The following TNKS variants were observed in gnomAD, a reference collection of about 807,000 sequenced individuals.
TNKS encodes the protein tankyrase.
A neutral mutation model predicts 135.8 loss-of-function variants in TNKS; 72 were observed. The ratio of observed to expected loss-of-function variants is 0.53; its 90% CI spans 0.44 to 0.64. TNKS has a LOEUF of 0.64. TNKS is among the 30% of genes least tolerant of loss of function. The probability of loss-of-function intolerance (pLI) is 0.00; values close to 1 mark genes in which losing one functional copy is unlikely to be tolerated. For synonymous variants in TNKS, 849 were observed against 649.3 expected, an observed-to-expected ratio of 1.31 and a Z score of -4.68; for missense variants, 1,769 against 1,674.0, an observed-to-expected ratio of 1.06 and a Z score of -0.99.
At chr8:9,747,528 A>G (rs1407983440) in intron 17 of TNKS, among the ~76,000 whole-genome samples, 1 of 152,344 alleles carries the variant, frequency 6.6e-6, no homozygotes, top group Admixed American at 6.5e-5. Flanking sequence ...TTCAAAGGCT[A>G]AAGAGAAAAC....
At chr8:9,622,122 A>T (rs1246247718) in intron 3 of TNKS, among the ~76,000 whole-genome samples, 1 of 152,210 alleles carries the variant, frequency 6.6e-6, no homozygotes, top group African/African-American at 2.4e-5. Context: ...GAAATTTTTA[A>T]AATATGAAGA....
intron 2 of TNKS, among the ~76,000 whole-genome samples, chr8:9,585,753 C>T (rs980441780): frequency 6.6e-6 from 1 of 152,260 alleles, no homozygotes; most frequent in South Asian, 2.1e-4. Context: ...TACTTTCAAA[C>T]AATTCTTGGT....
chr8:9,679,947 C>G lies in TNKS; in HGVS notation c.995-4C>G. 6.2e-7 allele frequency: 1 copy of G among 1,612,166 alleles called. No homozygotes were observed. Among genetic ancestry groups the G allele is most frequent in the Non-Finnish European group, 8.5e-7 (1 of 1,178,338 alleles). ...TAACAGCATGATATTTTGCAATCAT[C>G]TAGGTGAATACAAGAAAGACGAACT... On this transcript the variant is annotated splice_region_variant and splice_polypyrimidine_tract_variant and intron_variant, in intron 3 of 26. Coordinates refer to ENST00000310430, the MANE Select transcript of TNKS (RefSeq NM_003747.3).
chr8:9,664,642 A>C (rs1468410434), intron 3 of TNKS, among the ~76,000 whole-genome samples: 1 of 152,274 alleles, frequency 6.6e-6, no homozygotes, highest in Non-Finnish European at 1.5e-5. Context: ...AATCACTCAC[A>C]GTACATATAC....
At chr8:9,736,537 T>C (rs953078186) in intron 17 of TNKS, among the ~76,000 whole-genome samples, 11 of 148,654 alleles carry the variant, frequency 7.4e-5, no homozygotes, top group African/African-American at 2.2e-4. Context: ...GGTTTTAGGT[T>C]TAACGTTTAA....
intron 3 of TNKS, among the ~76,000 whole-genome samples, chr8:9,654,108 A>G (rs918678454): frequency 1.3e-5 from 2 of 152,234 alleles, no homozygotes; most frequent in Non-Finnish European, 2.9e-5. Flanking sequence ...CTATACCTGC[A>G]TTAGTCACTG....
Position 9,694,652 on chromosome 8 carries a change from C to G in TNKS, c.1108-10011C>G, listed in dbSNP as rs367654681. 2.0e-4 allele frequency among the ~76,000 whole-genome samples: 31 copies of G among 151,622 alleles called. No individual in the cohort carries two copies. In the East Asian group the frequency reaches 4.9e-3, roughly 24 times the overall value. On this transcript the variant is annotated intron_variant, in intron 5 of 26. Transcript: ENST00000310430. ...TGGTGGGCGCCTGTAGTCCCAGCTG[C>G]TTGGGAGGCTGAGGCAGGAGAATTG...
At chr8:9,712,469 G>T (rs544688542) in intron 11 of TNKS, among the ~76,000 whole-genome samples, 13 of 152,138 alleles carry the variant, frequency 8.5e-5, no homozygotes, top group African/African-American at 3.1e-4. Flanking sequence ...AACAGAGCAA[G>T]ACTCTGTCTC....
chr8:9,752,429 C>T, intron 19 of TNKS, 115 bp from the exon 20 acceptor site: 2 of 687,286 alleles, frequency 2.9e-6, no homozygotes, highest in South Asian at 1.8e-5. Context: ...TTATTTTATG[C>T]CATGGAAAAT....
In TNKS at chr8:9,620,779, C is replaced by G. The variant is rs185780569; in HGVS notation, c.994+5102C>G. ...AACGTCTGCTCCTCAAAGACGGCTT[C>G]TTGTCCCTGGTGCCATCAGCCTATT... On this transcript the variant is annotated intron_variant, in intron 3 of 26. Coordinates refer to ENST00000310430, the MANE Select transcript of TNKS (RefSeq NM_003747.3). Among the ~76,000 whole-genome samples the G allele has an allele frequency of 3.3e-3, 503 of 152,350 alleles. 1 individual carries two copies. The highest frequency in any genetic ancestry group is 6.1e-3 in the Non-Finnish European group (414 of 68,032).
intron 3 of TNKS, among the ~76,000 whole-genome samples, chr8:9,624,365 A>G (rs995226251): frequency 6.6e-6 from 1 of 152,256 alleles, no homozygotes; most frequent in African/African-American, 2.4e-5. Context: ...ATTAGAATTC[A>G]TTAATGCTTT....
At chr8:9,641,570 G>T (rs977142977) in intron 3 of TNKS, among the ~76,000 whole-genome samples, 1 of 144,954 alleles carries the variant, frequency 6.9e-6, no homozygotes, top group Admixed American at 7.3e-5. Flanking sequence ...TGTGTTTTTG[G>T]AATTTATTCA....
intron 21 of TNKS, 39 bp downstream of exon 21, chr8:9,761,675 G>C (rs1242026185): frequency 1.3e-6 from 2 of 1,575,240 alleles, no homozygotes; most frequent in Non-Finnish European, 1.7e-6. Flanking sequence ...TCAGAAATCA[G>C]TGGTACAAGG....
At chr8:9,652,301 C>CT (rs1286786018) in intron 3 of TNKS, among the ~76,000 whole-genome samples, 1 of 152,066 alleles carries the variant, frequency 6.6e-6, no homozygotes, top group Non-Finnish European at 1.5e-5. Context: ...AAGGTTCTAT[C>CT]TTTTTTGGTA....
At chr8:9,624,335 C>G (rs1015224323) in intron 3 of TNKS, among the ~76,000 whole-genome samples, 2 of 152,188 alleles carry the variant, frequency 1.3e-5, no homozygotes, top group Admixed American at 6.5e-5. Flanking sequence ...TATTTGCTTT[C>G]TTAAAGTAGC....
At chr8:9,597,091 A>G (rs887076859) in intron 2 of TNKS, among the ~76,000 whole-genome samples, 1 of 152,234 alleles carries the variant, frequency 6.6e-6, no homozygotes, top group African/African-American at 2.4e-5. Flanking sequence ...TTTATATGGA[A>G]TTTAAGATAG....
chr8:9,650,897 A>G (rs1486352344), intron 3 of TNKS, among the ~76,000 whole-genome samples: 1 of 152,162 alleles, frequency 6.6e-6, no homozygotes, highest in African/African-American at 2.4e-5. Context: ...TGCCTAAGCT[A>G]ATGTCTAGAA....
chr8:9,561,177 C>T (rs1797318978), intron 1 of TNKS, among the ~76,000 whole-genome samples: 1 of 152,148 alleles, frequency 6.6e-6, no homozygotes. Flanking sequence ...TGCAGCTTCT[C>T]CAAATATGCT....
intron 7 of TNKS, among the ~76,000 whole-genome samples, chr8:9,706,529 A>C (rs909545024): frequency 3.3e-5 from 5 of 152,130 alleles, no homozygotes; most frequent in African/African-American, 1.2e-4. Flanking sequence ...CGCACAGCTA[A>C]TTTTTATGTT....
Sources: gnomAD v4.1 joint callset for allele counts (sites outside exome capture counted in the v4.1 genomes callset) on GRCh38, gnomAD v4.1.1 for gene constraint, MANE v1.5 for transcripts, NCBI Gene and HGNC (gene_info 2026-07-23, HGNC 2026-07-21) for gene names.